The following BAHCC1 variants were observed in gnomAD, a reference collection of about 807,000 sequenced individuals.
BAHCC1 encodes BAH and coiled-coil domain-containing protein 1.
A neutral mutation model predicts 88.2 loss-of-function variants in BAHCC1; 43 were observed. The ratio of observed to expected loss-of-function variants is 0.49; its 90% confidence interval spans 0.38 to 0.63. The LOEUF is 0.63. Among genes scored for constraint, BAHCC1 ranks in the 20% least tolerant of loss-of-function variants. The pLI, the probability that BAHCC1 is intolerant of heterozygous loss-of-function variation, is 0.00. For missense variants in BAHCC1, 3,023 were observed against 1,654.8 expected (o/e 1.83, Z -14.34); for synonymous variants, 1,510 against 745.5 (o/e 2.03, Z -16.71).
chr17:81,442,304 C>T lies in BAHCC1; in HGVS notation c.955C>T (p.Arg319Cys), dbSNP rs782058664. Reference sequence around the variant, plus strand: ...TGGCACGGGGGTGGTGACCTCCGGGCGCTGTGCAAAGGAGGCAGCAGGCCC... The same window carrying T: ...TGGCACGGGGGTGGTGACCTCCGGGTGCTGTGCAAAGGAGGCAGCAGGCCC... Reference protein sequence around the residue: ...RPGTGVVTSGRCAKEAAGPPE... With the variant: ...RPGTGVVTSGCCAKEAAGPPE... The change falls in exon 5 of 28, where the codon CGC becomes TGC. Residue 319 changes from arginine (R) to cysteine (C), a missense_variant. Transcript: ENST00000675386. The T allele has an allele frequency of 1.1e-5, 7 of 652,200 alleles. No individual in the cohort carries two copies. Among genetic ancestry groups the T allele is most frequent in the Non-Finnish European group, 1.7e-5 (6 of 362,286 alleles). 40.4% of individuals were successfully genotyped at this position (652,200 alleles called of 1,614,324 possible).
intron 2 of BAHCC1, among the ~76,000 whole-genome samples, chr17:81,424,130 C>T (rs1384599601): frequency 2.0e-5 from 3 of 152,232 alleles, no homozygotes; most frequent in African/African-American, 7.2e-5. Flanking sequence ...CCCCCTGGCT[C>T]AGTTTCTCCC....
rs113191131 is a variant in BAHCC1, at chr17:81,447,841, T to C, written c.3969T>C (p.Thr1323=). ...LAIQRQRSER[T]VPEEEEDVLA... ...TCCAGCGGCAGAGGAGTGAGAGGAC[T>C]GTGCCAGGTAAGCCCGGTGGTTGCC... Residue 1323 remains threonine (T), a synonymous_variant, in exon 11 of 28, where the codon ACT becomes ACC. Coordinates refer to ENST00000675386, the MANE Select transcript of BAHCC1 (RefSeq NM_001377448.1). 7 of 732,764 alleles carry C rather than the reference T, an allele frequency of 9.6e-6. No homozygotes were observed. Among genetic ancestry groups the C allele is most frequent in the African/African-American group, 1.7e-5 (1 of 57,950 alleles). The allele number at this position is 732,764 out of a possible 1,614,324, so 45.4% of individuals were successfully genotyped here.
intron 2 of BAHCC1, chr17:81,402,407 G>A (rs1295318218): frequency 2.0e-5 from 3 of 152,138 alleles, no homozygotes; most frequent in African/African-American, 4.8e-5. Flanking sequence ...CTTTGCTTTG[G>A]TCTGTGTCTA....
Position 81,411,153 on chromosome 17 carries a change from G to C in BAHCC1, c.178+11236G>C. The C allele has an allele frequency of 1.9e-6, 1 of 519,176 alleles. No individual in the cohort carries two copies. Among genetic ancestry groups the C allele is most frequent in the Non-Finnish European group, 3.8e-6 (1 of 259,802 alleles). 32.2% of individuals were successfully genotyped at this position (519,176 alleles called of 1,614,324 possible). On this transcript the variant is annotated intron_variant, in intron 2 of 27. Coordinates refer to ENST00000675386, the MANE Select transcript of BAHCC1 (RefSeq NM_001377448.1). The surrounding 1 kb of genome is among the most constrained non-coding windows in gnomAD (Gnocchi z 6.2). The stretch of plus-strand genomic sequence containing the variant: ...GAGTCCATTCATCACGTGCCTGCAG[G>C]TGCCTGTGTCCTGTCTCTGCCCCAG...
chr17:81,440,688 C>G (rs923032911), intron 4 of BAHCC1, among the ~76,000 whole-genome samples: 3 of 152,148 alleles, frequency 2.0e-5, no homozygotes, highest in Non-Finnish European at 4.4e-5. Flanking sequence ...GGGGCAGACC[C>G]TAGCCGGGAA....
intron 2 of BAHCC1, chr17:81,402,064 C>T (rs1357490139): frequency 6.6e-6 from 1 of 152,404 alleles, no homozygotes; most frequent in African/African-American, 2.4e-5. Flanking sequence ...CTCCCTGCTT[C>T]TTCTTGATCC....
At chr17:81,451,611 C>CT in intron 11 of BAHCC1, 57 bp from the exon 12 acceptor site, 1 of 722,004 alleles carries the variant, frequency 1.4e-6, no homozygotes, top group Non-Finnish European at 2.6e-6. Flanking sequence ...CATCAAGAGC[C>CT]TGTGAGGGGC....
intron 2 of BAHCC1, among the ~76,000 whole-genome samples, chr17:81,414,532 C>A (rs1236018102): frequency 6.6e-6 from 1 of 152,326 alleles, no homozygotes; most frequent in Middle Eastern, 3.4e-3. Flanking sequence ...TCCCAGAGGT[C>A]CCTGCCTGAG....
rs1555652590 is a variant in BAHCC1, at chr17:81,441,916, T to C, written c.567T>C (p.Pro189=). The C allele has an allele frequency of 2.8e-6, 2 of 707,272 alleles. No homozygotes were observed. Among genetic ancestry groups the C allele is most frequent in the Non-Finnish European group, 2.7e-6 (1 of 375,752 alleles). The allele number at this position is 707,272 out of a possible 1,614,324, so 43.8% of individuals were successfully genotyped here. A position where few individuals can be genotyped will look rare whatever the true frequency, so the allele number is the denominator to read the frequency against. ...TCCCCAGCGTGGCCCGGGCCGCCCC[T>C]GCCCACCCCATGGGCTCCTGCAGCC... ...HNFPSVARAA[P]AHPMGSCSRD... Residue 189 remains proline (P), a synonymous_variant, in exon 5 of 28, where the codon CCT becomes CCC. Transcript: ENST00000675386.
At chr17:81,452,911 G>T in intron 14 of BAHCC1, 60 bp downstream of exon 14, 1 of 658,004 alleles carries the variant, frequency 1.5e-6, no homozygotes, top group Non-Finnish European at 2.7e-6. Flanking sequence ...CCTCGAGGCT[G>T]GGGAGCAGGG....
chr17:81,459,184 G>A lies in BAHCC1; in HGVS notation c.5720+16G>A. On this transcript the variant is annotated intron_variant, in intron 21 of 27. Transcript: ENST00000675386. ...CACCCGACATGTGAGGCCTGGGCATGGTGGGGCAGGGCAGGGGCCTGGAGG... is the reference window on the plus strand; with the variant it reads ...CACCCGACATGTGAGGCCTGGGCATAGTGGGGCAGGGCAGGGGCCTGGAGG... 1 of 768,190 alleles carries A rather than the reference G, an allele frequency of 1.3e-6. No individual in the cohort carries two copies. 47.6% of individuals were successfully genotyped at this position (768,190 alleles called of 1,614,324 possible). A position where few individuals can be genotyped will look rare whatever the true frequency, so the allele number is the denominator to read the frequency against.
At chr17:81,456,222 G>A (rs1477788945) in intron 15 of BAHCC1, 75 bp from the exon 16 acceptor site, 1 of 668,568 alleles carries the variant, frequency 1.5e-6, no homozygotes, top group African/African-American at 1.8e-5. Context: ...CATCAACAGA[G>A]AGGCACCTAA....
intron 3 of BAHCC1, among the ~76,000 whole-genome samples, chr17:81,436,401 C>G (rs2064336769): frequency 6.6e-6 from 1 of 152,328 alleles, no homozygotes; most frequent in East Asian, 1.9e-4. Flanking sequence ...GGGCTGGAGG[C>G]CTGGACCTCT....
intron 2 of BAHCC1, among the ~76,000 whole-genome samples, chr17:81,403,550 A>C (rs1455603046): frequency 6.6e-6 from 1 of 152,022 alleles, no homozygotes; most frequent in Non-Finnish European, 1.5e-5. Context: ...TGGCAGAGGA[A>C]AAAAAAAGAT....
intron 2 of BAHCC1, chr17:81,400,596 G>C (rs1555645907): frequency 6.5e-6 from 1 of 152,750 alleles, no homozygotes. Flanking sequence ...CGCGGGCTGG[G>C]GGTGGCGCGG....
In BAHCC1 at chr17:81,461,851, G is replaced by A. The variant is rs781852379; in HGVS notation, c.7188G>A (p.Thr2396=). ...HAQRCFLSRA[T]VAGTGAGSGP... ...AGCGCTGCTTCCTGTCCAGGGCCAC[G>A]GTGGCTGGCACCGGTGCGGGCTCAG... Residue 2396 remains threonine, a synonymous_variant, in exon 26 of 28, where the codon ACG becomes ACA. Coordinates refer to ENST00000675386, the MANE Select transcript of BAHCC1 (RefSeq NM_001377448.1). 8.3e-6 allele frequency: 6 copies of A among 720,764 alleles called. No individual in the cohort carries two copies. The highest frequency in any genetic ancestry group is 5.3e-5 in the East Asian group (2 of 37,448). The allele number at this position is 720,764 out of a possible 1,614,324, so 44.6% of individuals were successfully genotyped here.
intron 2 of BAHCC1, among the ~76,000 whole-genome samples, chr17:81,420,998 A>C (rs1319849470): frequency 6.6e-6 from 1 of 152,224 alleles, no homozygotes; most frequent in African/African-American, 2.4e-5. Flanking sequence ...GTCATGCTCC[A>C]TCTCTTACCA....
chr17:81,442,368 G>T lies in BAHCC1; in HGVS notation c.1019G>T (p.Arg340Leu), dbSNP rs782617843. The change falls in exon 5 of 28, where the codon CGG becomes CTG. Residue 340 changes from arginine to leucine, a missense_variant. Arg to Leu is a moderately radical substitution (Grantham distance 102). Transcript: ENST00000675386. ...CCGGCCTTCAGCGAGTGCCTGGAGC[G>T]GCGGCAGATGCTACACCACACCGCA... is the stretch of plus-strand genomic sequence containing the variant. ...PGPAFSECLE[R>L]RQMLHHTASY... 1 of 701,760 alleles carries T rather than the reference G, an allele frequency of 1.4e-6. No individual in the cohort carries two copies. Among genetic ancestry groups the T allele is most frequent in the Non-Finnish European group, 2.6e-6 (1 of 381,256 alleles). The allele number at this position is 701,760 out of a possible 1,614,324, so 43.5% of individuals were successfully genotyped here. A position where few individuals can be genotyped will look rare whatever the true frequency, so the allele number is the denominator to read the frequency against.
At chr17:81,421,927 A>G (rs1201377478) in intron 2 of BAHCC1, 2 of 418,470 alleles carry the variant, frequency 4.8e-6, no homozygotes, top group Non-Finnish European at 9.6e-6. Flanking sequence ...GGAGAAGGGT[A>G]TTTGCAGCTG....
Sources: allele counts gnomAD v4.1 joint callset (sites outside exome capture counted in the v4.1 genomes callset), GRCh38; gene constraint gnomAD v4.1.1; non-coding constraint Gnocchi (gnomAD v3.1); transcripts MANE v1.5; gene names NCBI Gene and HGNC (gene_info 2026-07-23, HGNC 2026-07-21).